Variants in CENPI observed in about 807,000 individuals in gnomAD.
The protein encoded by CENPI is FSH primary response 1.
A neutral mutation model predicts 60.4 loss-of-function variants in CENPI; 4 were observed. That is an observed-to-expected ratio of 0.07 (90% CI 0.03 to 0.15). The LOEUF (loss-of-function observed/expected upper bound fraction) is 0.15. Ranked by LOEUF, CENPI falls within the 10% of genes least tolerant of loss-of-function variation. The pLI is 1.00. For synonymous variants in CENPI, 157 were observed against 189.4 expected, an observed-to-expected ratio of 0.83 and a Z score of 1.40; for missense variants, 444 against 534.5, an observed-to-expected ratio of 0.83 and a Z score of 1.67.
chrX:101,138,097 C>G (rs187796600), intron 15 of CENPI, among the ~76,000 whole-genome samples: 13,091 of 89,284 alleles, frequency 0.15, 1,106 homozygotes, highest in Non-Finnish European at 0.21. Flanking sequence ...AAGTGATTCT[C>G]CTGCCTCAGC....
At chrX:101,149,503 T>G (rs930539422) in intron 20 of CENPI, among the ~76,000 whole-genome samples, 3 of 101,148 alleles carry the variant, frequency 3.0e-5, no homozygotes, top group Non-Finnish European at 4.2e-5. Flanking sequence ...CAGTGGTGCT[T>G]CTTCTTTTTT....
chrX:101,149,469 A>G (rs1342864133), intron 20 of CENPI, among the ~76,000 whole-genome samples: 1 of 109,266 alleles, frequency 9.2e-6, no homozygotes, highest in African/African-American at 3.3e-5. Flanking sequence ...CAGTGATTCT[A>G]CACTGGCTGA....
intron 20 of CENPI, among the ~76,000 whole-genome samples, 197 bp from the exon 21 acceptor site, chrX:101,161,331 A>T (rs192467710): frequency 8.9e-6 from 1 of 112,357 alleles, no homozygotes; most frequent in Non-Finnish European, 1.9e-5. Flanking sequence ...AATAATTTTT[A>T]AAATGTTATT....
In CENPI at chrX:101,132,296, G is replaced by T. The variant is rs748761148; in HGVS notation, c.1394G>T (p.Ser465Ile). 11 of 1,201,251 alleles carry T rather than the reference G, an allele frequency of 9.2e-6. No individual in the cohort carries two copies. The highest frequency in any genetic ancestry group is 1.2e-5 in the Non-Finnish European group (11 of 886,306). ...CAGCTTGTGAGCTGGATTCCTTTTA[G>T]TAGCTTCTCTGGTATGTATCATGAA... ...FLQLVSWIPF[S>I]SFSEVKPLLF... The change falls in exon 14 of 22, where the codon AGT (serine) becomes ATT (isoleucine). Residue 465 changes from serine to isoleucine, a missense_variant. Transcript: ENST00000682095.
chrX:101,178,269 A>G, the CENPI span, among the ~76,000 whole-genome samples: 1 of 110,615 alleles, frequency 9.0e-6, no homozygotes, highest in Non-Finnish European at 1.9e-5. Flanking sequence ...TTCTCTGTTA[A>G]ATGATCCGTT....
chrX:101,104,361 A>G (rs2089459199), intron 4 of CENPI, among the ~76,000 whole-genome samples: 1 of 112,515 alleles, frequency 8.9e-6, no homozygotes, highest in Non-Finnish European at 1.9e-5. Context: ...TCTTAGAAAT[A>G]ACACCTGGTC....
At chrX:101,158,290 T>G (rs2090072240) in intron 20 of CENPI, among the ~76,000 whole-genome samples, 1 of 102,790 alleles carries the variant, frequency 9.7e-6, no homozygotes, top group African/African-American at 3.6e-5. Context: ...TTTTTTTTTT[T>G]TTTTGAGACA....
Position 101,146,181 on chromosome X carries a change from T to A in CENPI, c.1730T>A (p.Leu577His). The A allele has an allele frequency of 8.3e-7, 1 of 1,199,012 alleles. No homozygotes were observed. The highest frequency in any genetic ancestry group is 1.1e-6 in the Non-Finnish European group (1 of 884,249). ...KVCDIYINYN[L>H]PLVVLFPPGI... ...TGTGACATATATATAAATTATAACC[T>A]TCCATTAGTGGTATTGTTTCCTCCT... The change falls in exon 18 of 22, where the codon CTT becomes CAT. Residue 577 changes from leucine to histidine, a missense_variant. Physicochemically the swap from Leu to His is moderately conservative, Grantham distance 99 (BLOSUM62 -3). Transcript: ENST00000682095.
chrX:101,109,713 A>G (rs992425921), intron 5 of CENPI, 122 bp downstream of exon 5: 3 of 582,734 alleles, frequency 5.1e-6, no homozygotes, highest in Non-Finnish European at 8.5e-6. Flanking sequence ...TTGGAACAAT[A>G]TATCTTGATG....
At chrX:101,171,666 A>G in the CENPI span, among the ~76,000 whole-genome samples, 3 of 111,418 alleles carry the variant, frequency 2.7e-5, no homozygotes, top group African/African-American at 6.5e-5. Context: ...GGATCAAACA[A>G]TCCTCCCACC....
chrX:101,179,897 G>A, the CENPI span, among the ~76,000 whole-genome samples: 118 of 111,754 alleles, frequency 1.1e-3, no homozygotes, highest in African/African-American at 3.4e-3. Context: ...TTAAATTATT[G>A]AGGAACCACC....
At chrX:101,156,941 C>T (rs914694780) in intron 20 of CENPI, among the ~76,000 whole-genome samples, 6 of 111,094 alleles carry the variant, frequency 5.4e-5, no homozygotes, top group African/African-American at 2.0e-4. Flanking sequence ...TTTGCAGTTG[C>T]GAATTCTGCT....
rs2089957906 is a variant in CENPI at position 101,145,933 on chromosome X, A to G, written c.1702-220A>G. ...AAGACCTTTCCCCCCAAAAAATGAAAGATTTGAGTAATGGCCTTCTGGAAA... is the reference window on the plus strand; with the variant it reads ...AAGACCTTTCCCCCCAAAAAATGAAGGATTTGAGTAATGGCCTTCTGGAAA... On this transcript the variant is annotated intron_variant, in intron 17 of 21. Transcript: ENST00000682095. Among the ~76,000 whole-genome samples, 3 of 109,884 alleles carry G rather than the reference A, an allele frequency of 2.7e-5. No homozygotes were observed. In the Admixed American group the frequency reaches 2.9e-4, roughly 11 times the overall value.
Position 101,138,234 on chromosome X carries a change from C to T in CENPI, c.1471-2432C>T, listed in dbSNP as rs764722773. ...AACTCCTGGCCTCAAGTGATCCGCC[C>T]GCCTCGGCCTCCCGAAGTTCTGGGA... On this transcript the variant is annotated intron_variant, in intron 15 of 21. Coordinates refer to ENST00000682095, the MANE Select transcript of CENPI (RefSeq NM_001386188.2). Among the ~76,000 whole-genome samples the T allele has an allele frequency of 2.7e-4, 29 of 107,555 alleles. No individual in the cohort carries two copies. The South Asian group carries it at 0.01, about 38-fold the overall frequency. 93.4% of individuals were successfully genotyped at this position (107,555 alleles called of 115,157 possible).
chrX:101,154,294 A>G (rs962693251), intron 20 of CENPI, among the ~76,000 whole-genome samples: 4 of 111,751 alleles, frequency 3.6e-5, no homozygotes, highest in Non-Finnish European at 5.6e-5. Context: ...CAGGCCGGGC[A>G]TGGTGGCTCA....
chrX:101,122,197 T>C (rs1229352871), intron 8 of CENPI, among the ~76,000 whole-genome samples: 1 of 111,946 alleles, frequency 8.9e-6, no homozygotes, highest in Non-Finnish European at 1.9e-5. Flanking sequence ...CTCTGCATTG[T>C]TATTTCCACT....
chrX:101,127,269 A>G lies in CENPI; in HGVS notation c.906+3A>G, dbSNP rs777674918. 1 of 1,160,196 alleles carries G rather than the reference A, an allele frequency of 8.6e-7. No individual in the cohort carries two copies. The highest frequency in any genetic ancestry group is 3.0e-5 in the East Asian group (1 of 33,127). On this transcript the variant is annotated splice_donor_region_variant and intron_variant, in intron 10 of 21. Transcript: ENST00000682095. ...CTAATGTTCGTCCTCTAAAAAGAGT[A>G]AGTATCTAAAGCTCAAACAACTTGC...
chrX:101,152,836 G>A (rs185803827), intron 20 of CENPI, among the ~76,000 whole-genome samples: 10 of 109,996 alleles, frequency 9.1e-5, no homozygotes, highest in Non-Finnish European at 1.9e-4. Flanking sequence ...ATCAATTGAT[G>A]GACATTTTTG....
At chrX:101,100,670 A>G (rs1253185908) in intron 2 of CENPI, 1 of 124,262 alleles carries the variant, frequency 8.0e-6, no homozygotes, top group Non-Finnish European at 1.6e-5. Context: ...AGTCAGGCCC[A>G]CCTCGGCCTC....
Sources: allele counts gnomAD v4.1 joint callset (sites outside exome capture counted in the v4.1 genomes callset), GRCh38; gene constraint gnomAD v4.1.1; transcripts MANE v1.5; gene names NCBI Gene and HGNC (gene_info 2026-07-23, HGNC 2026-07-21).